Variants in LYN observed in about 807,000 individuals in gnomAD.
LYN encodes LYN proto-oncogene, Src family tyrosine kinase.
Under a neutral mutation model 65.0 loss-of-function variants are expected in LYN, and 12 were observed. The observed-to-expected ratio is 0.18, with a 90% CI of 0.12 to 0.30. LYN has a LOEUF of 0.30. Among genes scored for constraint, LYN ranks in the 10% least tolerant of loss-of-function variants. The probability of loss-of-function intolerance (pLI) is 1.00; values close to 1 mark genes in which losing one functional copy is unlikely to be tolerated. For synonymous variants in LYN, 222 were observed against 221.2 expected, an observed-to-expected ratio of 1.00 and a Z score of -0.03; for missense variants, 380 against 623.2, an observed-to-expected ratio of 0.61 and a Z score of 4.16.
At chr8:55,955,758 A>G (rs1356551026) in intron 8 of LYN, among the ~76,000 whole-genome samples, 1 of 152,210 alleles carries the variant, frequency 6.6e-6, no homozygotes, top group African/African-American at 2.4e-5. Flanking sequence ...GGTACCTCAT[A>G]TAAGTGGAAT....
intron 1 of LYN, among the ~76,000 whole-genome samples, chr8:55,932,362 C>T (rs1188409435): frequency 6.6e-6 from 1 of 152,052 alleles, no homozygotes; most frequent in Non-Finnish European, 1.5e-5. Flanking sequence ...CCTTAGCTTT[C>T]TAAAAAATAG....
intron 1 of LYN, among the ~76,000 whole-genome samples, chr8:55,921,837 A>G (rs1478641167): frequency 6.6e-6 from 1 of 152,164 alleles, no homozygotes; most frequent in Non-Finnish European, 1.5e-5. Context: ...TTTAAAATGT[A>G]TTGAGCATTT....
At chr8:56,003,815 T>C (rs1453233390) in intron 12 of LYN, among the ~76,000 whole-genome samples, 2 of 151,944 alleles carry the variant, frequency 1.3e-5, no homozygotes, top group East Asian at 1.9e-4. Flanking sequence ...TAAGATAATA[T>C]ACTGAAATGT....
intron 2 of LYN, among the ~76,000 whole-genome samples, chr8:55,942,962 C>T (rs978979105): frequency 3.1e-4 from 47 of 152,194 alleles, no homozygotes; most frequent in African/African-American, 1.1e-3. Context: ...CTGAAGTTGT[C>T]ATCTGTTATT....
At chr8:55,914,115 T>TGC (rs1805718183) in intron 1 of LYN, among the ~76,000 whole-genome samples, 1 of 151,898 alleles carries the variant, frequency 6.6e-6, no homozygotes, top group Admixed American at 6.6e-5. Flanking sequence ...TGTGTGTGTG[T>TGC]GCACGTATGA....
intron 1 of LYN, among the ~76,000 whole-genome samples, chr8:55,936,393 A>T (rs1806437823): frequency 6.6e-6 from 1 of 152,010 alleles, no homozygotes; most frequent in African/African-American, 2.4e-5. Flanking sequence ...TAATCCCAGC[A>T]CTTTGGGAGG....
At chr8:55,960,599 C>T (rs180890252) in intron 8 of LYN, among the ~76,000 whole-genome samples, 1 of 152,314 alleles carries the variant, frequency 6.6e-6, no homozygotes. Flanking sequence ...GATACTCCCT[C>T]TCCCAATTTT....
intron 1 of LYN, among the ~76,000 whole-genome samples, chr8:55,896,791 T>C (rs1805118030): frequency 6.6e-6 from 1 of 152,176 alleles, no homozygotes; most frequent in South Asian, 2.1e-4. Context: ...CAGGTTGGAG[T>C]GCAGTGGCGT....
rs1485093051 is a variant in LYN, at chr8:56,013,297, C to G, written c.*3187C>G. On this transcript the variant is annotated 3_prime_UTR_variant, in exon 13 of 13. Transcript: ENST00000519728. ...TTTTTTTTTTTTTTTGACAGAGTCT[C>G]ACTCTGTCACGCAGGCTAGAGTTGC... 6.9e-6 allele frequency: 1 copy of G among 144,646 alleles called. No individual in the cohort carries two copies. The highest frequency in any genetic ancestry group is 6.9e-5 in the Admixed American group (1 of 14,490). The allele number at this position is 144,646 out of a possible 1,614,324, so 9.0% of individuals were successfully genotyped here.
intron 1 of LYN, among the ~76,000 whole-genome samples, chr8:55,909,166 C>T (rs1805529187): frequency 6.6e-6 from 1 of 151,794 alleles, no homozygotes; most frequent in Non-Finnish European, 1.5e-5. Flanking sequence ...AAACCCTGAC[C>T]CAGAAGCAGG....
intron 2 of LYN, among the ~76,000 whole-genome samples, chr8:55,942,265 C>CTA (rs752141606): frequency 1.5e-4 from 22 of 148,590 alleles, no homozygotes; most frequent in South Asian, 6.3e-4. Flanking sequence ...AAAGACCCCA[C>CTA]TATATATATA....
At chr8:55,907,563 T>A (rs1014768074) in intron 1 of LYN, among the ~76,000 whole-genome samples, 43 of 152,138 alleles carry the variant, frequency 2.8e-4, no homozygotes, top group African/African-American at 1.0e-3. Context: ...AGGTGCTTTT[T>A]TTTTGGTGGA....
chr8:55,950,610 CTTG>C, intron 5 of LYN, 53 bp downstream of exon 5: 1 of 1,570,858 alleles, frequency 6.4e-7, no homozygotes, highest in South Asian at 1.1e-5. Flanking sequence ...CATTGGATTT[CTTG>C]TTAATATTCT....
At chr8:55,898,900 T>C (rs1805188251) in intron 1 of LYN, among the ~76,000 whole-genome samples, 1 of 152,154 alleles carries the variant, frequency 6.6e-6, no homozygotes, top group African/African-American at 2.4e-5. Flanking sequence ...TCACGATCAC[T>C]GTAGCCTCTG....
intron 1 of LYN, among the ~76,000 whole-genome samples, chr8:55,896,183 T>C (rs185253880): frequency 6.7e-6 from 1 of 149,436 alleles, no homozygotes; most frequent in East Asian, 2.0e-4. Flanking sequence ...AGTGAGTGGG[T>C]CCCTTGAGTC....
chr8:55,898,244 T>C (rs1380307838), intron 1 of LYN, among the ~76,000 whole-genome samples: 2 of 152,162 alleles, frequency 1.3e-5, no homozygotes, highest in African/African-American at 4.8e-5. Context: ...AGATTCATAC[T>C]GTATGTGATC....
At chr8:55,920,679 T>A (rs1585599338) in intron 1 of LYN, among the ~76,000 whole-genome samples, 1 of 139,458 alleles carries the variant, frequency 7.2e-6, no homozygotes, top group African/African-American at 2.7e-5. Context: ...CTTCAGGAAA[T>A]TTTTTTTTTG....
chr8:55,961,434 C>G (rs1807270055), intron 8 of LYN, among the ~76,000 whole-genome samples: 1 of 152,084 alleles, frequency 6.6e-6, no homozygotes, highest in Non-Finnish European at 1.5e-5. Context: ...AAAATCATGC[C>G]TTTAACAGAG....
At chr8:55,971,946 G>C (rs1215375393) in intron 10 of LYN, among the ~76,000 whole-genome samples, 1 of 152,136 alleles carries the variant, frequency 6.6e-6, no homozygotes, top group East Asian at 1.9e-4. Context: ...GTGGATTCCA[G>C]GGGGCTTCAG....
Sources: gnomAD v4.1 joint callset for allele counts (sites outside exome capture counted in the v4.1 genomes callset) on GRCh38, gnomAD v4.1.1 for gene constraint, MANE v1.5 for transcripts, NCBI Gene and HGNC (gene_info 2026-07-23, HGNC 2026-07-21) for gene names.